The following NRXN2 variants were observed in gnomAD, a reference collection of about 807,000 sequenced individuals.
NRXN2 encodes the protein neurexin-2-beta.
In NRXN2, 29 loss-of-function variants were observed where a neutral mutation model predicts 128.8. The observed-to-expected ratio is 0.23, with a 90% CI of 0.17 to 0.31. The LOEUF (loss-of-function observed/expected upper bound fraction) is 0.31, where lower values mean the gene tolerates loss of function less well. NRXN2 is among the 10% of genes least tolerant of loss of function. The probability of loss-of-function intolerance (pLI) is 1.00; values close to 1 mark genes in which losing one functional copy is unlikely to be tolerated. For synonymous variants in NRXN2, 1,098 were observed against 1,075.2 expected (o/e 1.02, Z -0.41); for missense variants, 1,881 against 2,452.6 (o/e 0.77, Z 4.92).
Position 64,667,761 on chromosome 11 carries a change from C to T in NRXN2, c.1360-73G>A, listed in dbSNP as rs754154504. On this transcript the variant is annotated intron_variant, in intron 8 of 22. Coordinates refer to ENST00000265459, the MANE Select transcript of NRXN2 (RefSeq NM_015080.4). The surrounding 1 kb of genome is among the most constrained non-coding windows in gnomAD (Gnocchi z 5.6). ...GGGCCTGGCCACTCCCACCCAGCAGCGAGCACCAGGGGACCCAGCCACCCA... is the reference window on the plus strand; with the variant it reads ...GGGCCTGGCCACTCCCACCCAGCAGTGAGCACCAGGGGACCCAGCCACCCA... The T allele has an allele frequency of 1.8e-5, 27 of 1,487,698 alleles. No individual in the cohort carries two copies. Among genetic ancestry groups the T allele is most frequent in the South Asian group, 3.4e-5 (3 of 87,330 alleles). 92.2% of individuals were successfully genotyped at this position (1,487,698 alleles called of 1,614,324 possible). A position where few individuals can be genotyped will look rare whatever the true frequency, so the allele number is the denominator to read the frequency against.
At chr11:64,646,061 T>C (rs2046606858) in intron 17 of NRXN2, among the ~76,000 whole-genome samples, 1 of 152,054 alleles carries the variant, frequency 6.6e-6, no homozygotes, top group Non-Finnish European at 1.5e-5. Context: ...GAAGAGAGGA[T>C]TGGGTCCCAC....
At chr11:64,685,555 C>G in intron 6 of NRXN2, 91 bp downstream of exon 6, 1 of 1,534,384 alleles carries the variant, frequency 6.5e-7, no homozygotes, top group Admixed American at 1.7e-5. Flanking sequence ...AGCCCTGATC[C>G]CTCCACCACA....
At chr11:64,661,780 C>T (rs969219297) in intron 9 of NRXN2, among the ~76,000 whole-genome samples, 2 of 152,148 alleles carry the variant, frequency 1.3e-5, no homozygotes, top group Non-Finnish European at 2.9e-5. Context: ...AGGAACACAG[C>T]CAAAGTATGG....
intron 12 of NRXN2, among the ~76,000 whole-genome samples, chr11:64,653,273 C>A (rs1447879447): frequency 6.6e-6 from 1 of 152,152 alleles, no homozygotes; most frequent in Non-Finnish European, 1.5e-5. Flanking sequence ...CTCGCCTTCC[C>A]CCTTGTGGCC....
intron 6 of NRXN2, among the ~76,000 whole-genome samples, chr11:64,683,615 A>G (rs1207217): frequency 0.98 from 143,540 of 146,126 alleles, 70,558 homozygotes; most frequent in Middle Eastern, 1. Flanking sequence ...GTGAGACTCC[A>G]TCTCAAAAAA....
intron 17 of NRXN2, chr11:64,642,539 C>T (rs747754695): frequency 1.9e-6 from 3 of 1,607,958 alleles, no homozygotes; most frequent in African/African-American, 2.7e-5. Context: ...TGCCACTTAC[C>T]GTGGCCGCCG....
At position 64,678,940 on chromosome 11, in the gene NRXN2, G is replaced by A. The variant is rs149857881; in HGVS notation, c.1153-1903C>T. 1.7e-3 allele frequency among the ~76,000 whole-genome samples: 258 copies of A among 152,274 alleles called. 2 individuals carry two copies. Among genetic ancestry groups the A allele is most frequent in the African/African-American group, 6.0e-3 (249 of 41,558 alleles). On this transcript the variant is annotated intron_variant, in intron 6 of 22. Transcript: ENST00000265459. ...TAACAGAATTCAATATTTAGCAGCC[G>A]GAAGAAGTGCTGAATAACCAATATT...
In NRXN2 at chr11:64,713,745, G is replaced by C. The variant is rs1427107485; in HGVS notation, c.-46C>G. Reference sequence around the variant, plus strand: ...CGCCCGGCCCCCGGCCCCCGCTCAGGCTTCAGAGCCGCGGGCGCATGGGGC... The same window carrying C: ...CGCCCGGCCCCCGGCCCCCGCTCAGCCTTCAGAGCCGCGGGCGCATGGGGC... On this transcript the variant is annotated 5_prime_UTR_variant, in exon 2 of 23. Transcript: ENST00000265459. 2.0e-6 allele frequency: 2 copies of C among 1,004,456 alleles called. No homozygotes were observed. Among genetic ancestry groups the C allele is most frequent in the Non-Finnish European group, 2.4e-6 (2 of 838,508 alleles). 62.2% of individuals were successfully genotyped at this position (1,004,456 alleles called of 1,614,324 possible).
chr11:64,616,134 C>T (rs535396894), intron 22 of NRXN2, among the ~76,000 whole-genome samples: 1 of 152,202 alleles, frequency 6.6e-6, no homozygotes, highest in East Asian at 1.9e-4. Context: ...GTTGAGCACA[C>T]AGCCTGCCTC....
chr11:64,620,006 C>T (rs1488941709), intron 22 of NRXN2, among the ~76,000 whole-genome samples: 4 of 152,186 alleles, frequency 2.6e-5, no homozygotes, highest in Non-Finnish European at 5.9e-5. Context: ...TGCAGTTACT[C>T]ATCCTCCTAG....
Position 64,630,653 on chromosome 11 carries a change from C to T in NRXN2, c.3586-80G>A. The T allele has an allele frequency of 6.6e-7, 1 of 1,524,016 alleles. No individual in the cohort carries two copies. The highest frequency in any genetic ancestry group is 9.0e-7 in the Non-Finnish European group (1 of 1,107,398). The allele number at this position is 1,524,016 out of a possible 1,614,324, so 94.4% of individuals were successfully genotyped here. ...CTAGTGGCTACTCCTGTGACCACCA[C>T]TAGCCCAGCTCCGCAGCACTTAAGG... On this transcript the variant is annotated intron_variant, in intron 18 of 22. Coordinates refer to ENST00000265459, the MANE Select transcript of NRXN2 (RefSeq NM_015080.4). This position sits in a 1 kb window ranked among gnomAD's most constrained non-coding sequence, Gnocchi z 4.6.
chr11:64,661,948 T>G (rs1364320514), intron 9 of NRXN2, among the ~76,000 whole-genome samples: 1 of 151,644 alleles, frequency 6.6e-6, no homozygotes, highest in Non-Finnish European at 1.5e-5. Context: ...GGTAGAAGAG[T>G]TCTTCAGAAG....
At position 64,630,881 on chromosome 11, in the gene NRXN2, TG is replaced by T. The variant is rs1453623339; in HGVS notation, c.3586-309del. The stretch of plus-strand genomic sequence containing the variant: ...AGCACCTACTCTGTGCAAGGGCCAC[TG>T]GGCCCAGACAGGGGTGATCGGGCCA... On this transcript the variant is annotated intron_variant, in intron 18 of 22. Transcript: ENST00000265459. The surrounding 1 kb of genome is among the most constrained non-coding windows in gnomAD (Gnocchi z 4.6). Among the ~76,000 whole-genome samples the T allele has an allele frequency of 1.3e-5, 2 of 152,224 alleles. No homozygotes were observed. Among genetic ancestry groups the T allele is most frequent in the Non-Finnish European group, 2.9e-5 (2 of 68,040 alleles).
At chr11:64,705,605 G>C (rs1203499192) in intron 2 of NRXN2, among the ~76,000 whole-genome samples, 9 of 151,832 alleles carry the variant, frequency 5.9e-5, no homozygotes, top group Non-Finnish European at 1.3e-4. Context: ...TCTGATCTCA[G>C]AGCTTCAAAT....
chr11:64,608,961 C>T (rs1042280278), intron 22 of NRXN2, among the ~76,000 whole-genome samples: 10 of 151,882 alleles, frequency 6.6e-5, no homozygotes, highest in South Asian at 2.1e-4. Context: ...GGGACGGCCA[C>T]GGGAGGGGGC....
chr11:64,617,928 G>A (rs1463988235), intron 22 of NRXN2, among the ~76,000 whole-genome samples: 1 of 152,160 alleles, frequency 6.6e-6, no homozygotes, highest in African/African-American at 2.4e-5. Context: ...TTTCCTCTGG[G>A]GGCTCCAGAG....
chr11:64,612,394 C>T (rs571666293), intron 22 of NRXN2, among the ~76,000 whole-genome samples: 68 of 152,310 alleles, frequency 4.5e-4, no homozygotes, highest in African/African-American at 1.6e-3. Context: ...CGCCTCTCCC[C>T]AACTTCAGGC....
At chr11:64,688,881 C>T in intron 5 of NRXN2, 1 of 876,470 alleles carries the variant, frequency 1.1e-6, no homozygotes, top group Non-Finnish European at 1.4e-6. Context: ...GCCCTCCCTA[C>T]TCTCGAGCTC....
chr11:64,643,904 T>G (rs1338178241), intron 17 of NRXN2, among the ~76,000 whole-genome samples: 1 of 115,458 alleles, frequency 8.7e-6, no homozygotes, highest in African/African-American at 3.4e-5. Flanking sequence ...CCAATAATGC[T>G]CTCTGGCACA....
Sources: gnomAD v4.1 joint callset for allele counts (sites outside exome capture counted in the v4.1 genomes callset) on GRCh38, gnomAD v4.1.1 for gene constraint, Gnocchi (gnomAD v3.1) non-coding constraint, MANE v1.5 for transcripts, NCBI Gene and HGNC (gene_info 2026-07-23, HGNC 2026-07-21) for gene names.